The following EYS variants were observed in gnomAD, a reference collection of about 807,000 sequenced individuals.
EYS encodes the protein EGF-like photoreceptor maintenance factor, also known as protein eyes shut homolog.
Under a neutral mutation model 282.1 loss-of-function variants are expected in EYS, and 250 were observed. The observed-to-expected ratio is 0.89, with a 90% CI of 0.80 to 0.98. EYS has a LOEUF of 0.98. EYS is among the 50% of genes least tolerant of loss of function. The pLI, the probability that EYS is intolerant of heterozygous loss-of-function variation, is 0.00. For synonymous variants in EYS, 1,355 were observed against 1,282.9 expected (o/e 1.06, Z -1.20); for missense variants, 4,016 against 3,709.0 (o/e 1.08, Z -2.15).
chr6:64,845,779 T>A (rs977051233), intron 19 of EYS, among the ~76,000 whole-genome samples: 122 of 152,244 alleles, frequency 8.0e-4, no homozygotes, highest in African/African-American at 2.8e-3. Context: ...CTAACAAACA[T>A]CTCATTCTCC....
intron 19 of EYS, among the ~76,000 whole-genome samples, chr6:64,846,043 A>T (rs1765704315): frequency 6.6e-6 from 1 of 152,094 alleles, no homozygotes; most frequent in Non-Finnish European, 1.5e-5. Flanking sequence ...CAAATCAATC[A>T]TCTTATAGAG....
rs570826026 is a variant in EYS, at chr6:63,889,552, T to C, written c.7056-25194A>G. 7.2e-5 allele frequency among the ~76,000 whole-genome samples: 11 copies of C among 152,266 alleles called. 1 individual carries two copies. In the South Asian group the frequency reaches 2.1e-3, roughly 29 times the overall value. On this transcript the variant is annotated intron_variant, in intron 35 of 42. Coordinates refer to ENST00000503581, the MANE Select transcript of EYS (RefSeq NM_001142800.2). ...CATAAGTGAAGGAGAAATAAAATCC[T>C]TTACAGACAAGCAAATGCTGAAGGA...
chr6:64,425,937 A>T (rs975047073), intron 28 of EYS, among the ~76,000 whole-genome samples: 2 of 152,112 alleles, frequency 1.3e-5, no homozygotes, highest in African/African-American at 2.4e-5. Context: ...CAGGAATTGT[A>T]TTTTGGATAT....
chr6:65,117,195 TGAACCAAATGAAC>T (rs1775401422), intron 12 of EYS, among the ~76,000 whole-genome samples: 1 of 152,148 alleles, frequency 6.6e-6, no homozygotes, highest in Admixed American at 6.5e-5. Context: ...CTAACCCAAG[TGAACCAAATGAAC>T]GAACCAAATG....
intron 2 of EYS, among the ~76,000 whole-genome samples, chr6:65,621,399 T>G (rs1415476670): frequency 6.6e-6 from 1 of 151,542 alleles, no homozygotes; most frequent in Non-Finnish European, 1.5e-5. Context: ...TGTTTTCCAT[T>G]GGCTTGGTAG....
At chr6:65,044,210 T>A (rs1423365859) in intron 13 of EYS, among the ~76,000 whole-genome samples, 1 of 151,852 alleles carries the variant, frequency 6.6e-6, no homozygotes, top group Non-Finnish European at 1.5e-5. Flanking sequence ...TCTGTTCAGA[T>A]CCTTTGCCTA....
intron 15 of EYS, among the ~76,000 whole-genome samples, chr6:64,924,705 A>T (rs1371653657): frequency 6.6e-6 from 1 of 152,150 alleles, no homozygotes; most frequent in Non-Finnish European, 1.5e-5. Context: ...AAGTTCCACA[A>T]ATCTCTAGGG....
At chr6:65,306,057 TG>T (rs1244034489) in intron 11 of EYS, among the ~76,000 whole-genome samples, 37 of 152,330 alleles carry the variant, frequency 2.4e-4, no homozygotes, top group Admixed American at 8.5e-4. Flanking sequence ...GGTTTAGATT[TG>T]TGAAGGAATA....
intron 7 of EYS, among the ~76,000 whole-genome samples, chr6:65,389,441 C>G (rs1765926051): frequency 6.6e-6 from 1 of 152,132 alleles, no homozygotes; most frequent in African/African-American, 2.4e-5. Context: ...TCATTCAAAT[C>G]TCCGCCAAAA....
At position 64,590,531 on chromosome 6, in the gene EYS, C is replaced by A. The variant is rs1457664905; in HGVS notation, c.5336G>T (p.Gly1779Val). 6.4e-7 allele frequency: 1 copy of A among 1,551,330 alleles called. No individual in the cohort carries two copies. Among genetic ancestry groups the A allele is most frequent in the Admixed American group, 2.0e-5 (1 of 50,968 alleles). ...DFKNNLPPLT[G>V]SVPDFSEVTT... The stretch of plus-strand genomic sequence containing the variant: ...GACTTCTGAAAAATCAGGCACTGAG[C>A]CTGTCAATGGTGGCAGATTATTTTT... The change falls in exon 26 of 43, where the codon GGC becomes GTC. Residue 1779 changes from glycine (G) to valine (V), a missense_variant. Coordinates refer to ENST00000503581, the MANE Select transcript of EYS (RefSeq NM_001142800.2).
intron 12 of EYS, among the ~76,000 whole-genome samples, chr6:65,140,565 T>C (rs1004732443): frequency 6.6e-6 from 1 of 150,812 alleles, no homozygotes; most frequent in Admixed American, 6.6e-5. Flanking sequence ...ACCTACAAAA[T>C]GGGAGAAAAT....
intron 19 of EYS, among the ~76,000 whole-genome samples, chr6:64,848,502 G>A (rs1379477951): frequency 6.6e-6 from 1 of 152,126 alleles, no homozygotes; most frequent in Non-Finnish European, 1.5e-5. Flanking sequence ...TGCATTGCTA[G>A]GAGATTGAAC....
chr6:65,489,029 G>A (rs1039128600), intron 5 of EYS, among the ~76,000 whole-genome samples: 18 of 152,010 alleles, frequency 1.2e-4, no homozygotes, highest in Non-Finnish European at 1.8e-4. Flanking sequence ...AAATCCTAGA[G>A]GAAAACCTGG....
At chr6:64,146,780 A>G (rs1285326759) in intron 31 of EYS, among the ~76,000 whole-genome samples, 1 of 152,164 alleles carries the variant, frequency 6.6e-6, no homozygotes, top group Admixed American at 6.6e-5. Flanking sequence ...AAGTAGAGAA[A>G]CATCTTTGAG....
Position 63,727,706 on chromosome 6 carries a change from C to CAAAAA in EYS, c.8072-1031_8072-1027dup, listed in dbSNP as rs1169878020. Among the ~76,000 whole-genome samples the CAAAAA allele has an allele frequency of 6.4e-3, 61 of 9,522 alleles. 12 individuals carry two copies. Among genetic ancestry groups the CAAAAA allele is most frequent in the Non-Finnish European group, 7.9e-3 (48 of 6,096 alleles). The allele number at this position is 9,522 out of a possible 152,430, so 6.2% of individuals were successfully genotyped here. A position where few individuals can be genotyped will look rare whatever the true frequency, so the allele number is the denominator to read the frequency against. On this transcript the variant is annotated intron_variant, in intron 41 of 42. Coordinates refer to ENST00000503581, the MANE Select transcript of EYS (RefSeq NM_001142800.2). Reference sequence around the variant, plus strand: ...AGCAACATGGCGAAACACCATCTCTCAAAAAAAAAAAAAAAAAAAAAAAAA... The same window carrying CAAAAA: ...AGCAACATGGCGAAACACCATCTCTCAAAAAAAAAAAAAAAAAAAAAAAAAAAAAA...
At chr6:65,243,781 G>A (rs897885246) in intron 12 of EYS, among the ~76,000 whole-genome samples, 6 of 151,954 alleles carry the variant, frequency 3.9e-5, no homozygotes, top group African/African-American at 1.5e-4. Context: ...TGGTGGCACG[G>A]GCCTGTAATC....
At chr6:64,686,437 T>C (rs1320605145) in intron 22 of EYS, among the ~76,000 whole-genome samples, 3 of 151,778 alleles carry the variant, frequency 2.0e-5, no homozygotes, top group African/African-American at 7.2e-5. Context: ...TAGAATTATA[T>C]AAATATTAAA....
At chr6:64,563,118 A>C (rs948477743) in intron 26 of EYS, among the ~76,000 whole-genome samples, 16 of 152,170 alleles carry the variant, frequency 1.1e-4, no homozygotes, top group Admixed American at 8.5e-4. Context: ...AGTTTTAGAG[A>C]TGAAATTAAT....
chr6:65,008,922 G>A (rs939981354), intron 13 of EYS, among the ~76,000 whole-genome samples: 1 of 152,156 alleles, frequency 6.6e-6, no homozygotes, highest in Non-Finnish European at 1.5e-5. Flanking sequence ...AGGACAGCCA[G>A]TCACTAGATA....
Sources: allele counts gnomAD v4.1 joint callset (sites outside exome capture counted in the v4.1 genomes callset), GRCh38; gene constraint gnomAD v4.1.1; transcripts MANE v1.5; gene names NCBI Gene and HGNC (gene_info 2026-07-23, HGNC 2026-07-21).